Variants in FAM135B observed in about 807,000 individuals in gnomAD.
The protein encoded by FAM135B is protein FAM135B.
FAM135B carries 43 observed loss-of-function variants against 127.7 expected under a neutral mutation model. The observed-to-expected ratio is 0.34, with a 90% CI of 0.26 to 0.43. FAM135B has a LOEUF of 0.43. Among genes scored for constraint, FAM135B ranks in the 20% least tolerant of loss-of-function variants. The pLI is 1.00. For missense variants in FAM135B, 1,558 were observed against 1,725.6 expected, an observed-to-expected ratio of 0.90 and a Z score of 1.72; for synonymous variants, 670 against 665.1, an observed-to-expected ratio of 1.01 and a Z score of -0.11.
In FAM135B at chr8:138,259,689, C is replaced by T. The variant is rs564404295; in HGVS notation, c.298-2930G>A. Reference sequence around the variant, plus strand: ...GGTTCAAACCCTGGCTCTACGACTTCCGGGTGGTATGACTTTAGATAAACG... The same window carrying T: ...GGTTCAAACCCTGGCTCTACGACTTTCGGGTGGTATGACTTTAGATAAACG... On this transcript the variant is annotated intron_variant, in intron 4 of 19. Transcript: ENST00000395297. Among the ~76,000 whole-genome samples the T allele has an allele frequency of 1.8e-4, 28 of 152,224 alleles. No homozygotes were observed. In the South Asian group the frequency reaches 5.4e-3, roughly 29 times the overall value.
chr8:138,287,244 G>C (rs1395176731), intron 3 of FAM135B, among the ~76,000 whole-genome samples: 2 of 152,068 alleles, frequency 1.3e-5, no homozygotes, highest in African/African-American at 4.8e-5. Flanking sequence ...AGAAGCAAAA[G>C]TTGTAGATGG....
At chr8:138,338,859 C>G (rs1162347710) in intron 2 of FAM135B, among the ~76,000 whole-genome samples, 1 of 152,040 alleles carries the variant, frequency 6.6e-6, no homozygotes, top group Non-Finnish European at 1.5e-5. Flanking sequence ...TGGAACCAAC[C>G]CAAATGTCCA....
At position 138,157,790 on chromosome 8, in the gene FAM135B, A is replaced by G. The variant is rs149257073; in HGVS notation, c.1259-4574T>C. On this transcript the variant is annotated intron_variant, in intron 12 of 19. Coordinates refer to ENST00000395297, the MANE Select transcript of FAM135B (RefSeq NM_015912.4). The stretch of plus-strand genomic sequence containing the variant: ...GAAACTACAAACCACTGCTCAATGA[A>G]ATAAAAGAGGACATAAACAAATGGA... Among the ~76,000 whole-genome samples, 887 of 152,336 alleles carry G rather than the reference A, an allele frequency of 5.8e-3. 7 individuals carry two copies. The highest frequency in any genetic ancestry group is 0.019 in the African/African-American group (810 of 41,560).
At chr8:138,463,468 C>T (rs1480254754) in intron 1 of FAM135B, among the ~76,000 whole-genome samples, 1 of 152,128 alleles carries the variant, frequency 6.6e-6, no homozygotes, top group Admixed American at 6.5e-5. Flanking sequence ...AGTTTCATAG[C>T]CATGGTGAAG....
chr8:138,267,201 G>C (rs529464265), intron 3 of FAM135B, among the ~76,000 whole-genome samples: 1 of 152,254 alleles, frequency 6.6e-6, no homozygotes, highest in South Asian at 2.1e-4. Context: ...CCAGAGGTCT[G>C]TTCCCCTCAC....
intron 3 of FAM135B, among the ~76,000 whole-genome samples, chr8:138,299,943 C>T (rs921460061): frequency 1.3e-5 from 2 of 151,624 alleles, no homozygotes; most frequent in Non-Finnish European, 3.0e-5. Context: ...GAAGTGGGAT[C>T]ACCAAAAGTG....
intron 1 of FAM135B, among the ~76,000 whole-genome samples, chr8:138,377,852 T>C (rs77929730): frequency 0.014 from 2,094 of 152,300 alleles, 46 homozygotes; most frequent in African/African-American, 0.048. Flanking sequence ...CCAGGGGATT[T>C]ACTGCATGCA....
intron 1 of FAM135B, among the ~76,000 whole-genome samples, chr8:138,416,155 G>C (rs145637117): frequency 6.6e-6 from 1 of 152,058 alleles, no homozygotes. Context: ...GATCCCCCAG[G>C]ACAAAATAAA....
At chr8:138,168,956 C>G (rs1011511074) in intron 11 of FAM135B, among the ~76,000 whole-genome samples, 217 of 152,296 alleles carry the variant, frequency 1.4e-3, no homozygotes, top group African/African-American at 5.0e-3. Context: ...GGAAGCCCCC[C>G]TTCTCCAGTC....
chr8:138,391,916 T>C (rs1288427084), intron 1 of FAM135B, among the ~76,000 whole-genome samples: 1 of 152,146 alleles, frequency 6.6e-6, no homozygotes, highest in Non-Finnish European at 1.5e-5. Flanking sequence ...CCCCAGCTGC[T>C]CATCACTAGG....
chr8:138,414,223 G>GAT (rs1217357643), intron 1 of FAM135B, among the ~76,000 whole-genome samples: 14 of 151,260 alleles, frequency 9.3e-5, no homozygotes, highest in Middle Eastern at 3.5e-3. Context: ...GAGGATATCT[G>GAT]ATATATTATT....
intron 1 of FAM135B, among the ~76,000 whole-genome samples, chr8:138,402,238 G>A (rs866582180): frequency 1.4e-4 from 22 of 152,202 alleles, no homozygotes; most frequent in South Asian, 2.1e-4. Flanking sequence ...TCCCTTGGGC[G>A]TGAAACACAA....
At chr8:138,154,044 A>G (rs7017071) in intron 12 of FAM135B, among the ~76,000 whole-genome samples, 104,866 of 151,716 alleles carry the variant, frequency 0.69, 36,263 homozygotes, top group East Asian at 0.77. Context: ...CCCAGTAGGC[A>G]CTGACTGACA....
chr8:138,391,056 A>G (rs1314620936), intron 1 of FAM135B, among the ~76,000 whole-genome samples: 2 of 152,072 alleles, frequency 1.3e-5, no homozygotes, highest in African/African-American at 4.8e-5. Flanking sequence ...GCAGCAGATC[A>G]CTTCCAAACC....
chr8:138,294,162 G>A (rs1168052903), intron 3 of FAM135B, among the ~76,000 whole-genome samples: 3 of 152,132 alleles, frequency 2.0e-5, no homozygotes, highest in East Asian at 3.8e-4. Context: ...ACCAAATACT[G>A]TATGTTCTTA....
intron 12 of FAM135B, among the ~76,000 whole-genome samples, chr8:138,166,317 C>A (rs987267553): frequency 6.6e-6 from 1 of 152,172 alleles, no homozygotes; most frequent in Non-Finnish European, 1.5e-5. Flanking sequence ...AAGAAACGAG[C>A]CTTGACCTCT....
At chr8:138,475,057 G>GT (rs1414447678) in intron 1 of FAM135B, among the ~76,000 whole-genome samples, 3 of 151,660 alleles carry the variant, frequency 2.0e-5, no homozygotes, top group Non-Finnish European at 2.9e-5. Flanking sequence ...AACATTTGCT[G>GT]TTTTTTGCTT....
chr8:138,212,827 T>C (rs979716000), intron 7 of FAM135B, among the ~76,000 whole-genome samples: 2 of 152,216 alleles, frequency 1.3e-5, no homozygotes, highest in Non-Finnish European at 2.9e-5. Context: ...GGGAACAACA[T>C]TACACAACTC....
chr8:138,388,756 C>G (rs774680585), intron 1 of FAM135B, among the ~76,000 whole-genome samples: 1 of 152,118 alleles, frequency 6.6e-6, no homozygotes, highest in Non-Finnish European at 1.5e-5. Flanking sequence ...AAGCAGTGAA[C>G]AGGCAGAGGA....
Sources: gnomAD v4.1 joint callset for allele counts (sites outside exome capture counted in the v4.1 genomes callset) on GRCh38, gnomAD v4.1.1 for gene constraint, MANE v1.5 for transcripts, NCBI Gene and HGNC (gene_info 2026-07-23, HGNC 2026-07-21) for gene names.